Variants in TPP2 observed in about 807,000 individuals in gnomAD.
The protein encoded by TPP2 is tripeptidyl-peptidase 2.
In TPP2, 34 loss-of-function variants were observed where a neutral mutation model predicts 155.9. The observed-to-expected ratio is 0.22, with a 90% CI of 0.17 to 0.29. The LOEUF (loss-of-function observed/expected upper bound fraction) is 0.29. Among genes scored for constraint, TPP2 ranks in the 10% least tolerant of loss-of-function variants. The pLI is 1.00. For synonymous variants in TPP2, 510 were observed against 529.4 expected (o/e 0.96, Z 0.50); for missense variants, 1,028 against 1,522.3 (o/e 0.68, Z 5.40).
intron 13 of TPP2, 84 bp downstream of exon 13, chr13:102,636,476 G>T: frequency 6.8e-7 from 1 of 1,459,886 alleles, no homozygotes. Flanking sequence ...TGCTGTTTGG[G>T]CCAGTGTTGT....
chr13:102,626,535 A>G (rs987450237), intron 6 of TPP2, among the ~76,000 whole-genome samples: 4 of 152,224 alleles, frequency 2.6e-5, no homozygotes, highest in Admixed American at 6.5e-5. Context: ...TGGCTGGCTC[A>G]TAGGCTGTGG....
intron 2 of TPP2, among the ~76,000 whole-genome samples, chr13:102,608,650 G>A (rs1420923684): frequency 1.3e-5 from 2 of 151,944 alleles, no homozygotes; most frequent in Admixed American, 6.6e-5. Flanking sequence ...TTTGTATCAT[G>A]TATGCAACAT....
intron 23 of TPP2, among the ~76,000 whole-genome samples, chr13:102,650,662 T>C (rs1223867665): frequency 6.6e-6 from 1 of 152,200 alleles, no homozygotes; most frequent in East Asian, 1.9e-4. Context: ...AGATGACACT[T>C]TGAAGAGTCT....
chr13:102,635,832 C>A, intron 12 of TPP2, 130 bp downstream of exon 12: 1 of 716,748 alleles, frequency 1.4e-6, no homozygotes, highest in Admixed American at 2.9e-5. Context: ...GGCCATAGAA[C>A]TACAAGCAAA....
At chr13:102,605,421 C>G (rs1183576109) in intron 2 of TPP2, among the ~76,000 whole-genome samples, 5 of 152,220 alleles carry the variant, frequency 3.3e-5, no homozygotes, top group Admixed American at 2.0e-4. Flanking sequence ...GTTAATAAAT[C>G]TAGCACACAC....
At position 102,663,810 on chromosome 13, in the gene TPP2, A is replaced by G. The variant is rs1884413073; in HGVS notation, c.3240+66A>G. ...ATTATATAAGTTTGTGTTTTGAGGA[A>G]AAGTGCATTATCTTTCTCTTCTGTT... On this transcript the variant is annotated intron_variant, in intron 26 of 29. Coordinates refer to ENST00000376052, the MANE Select transcript of TPP2 (RefSeq NM_001330588.2). 3.3e-6 allele frequency: 4 copies of G among 1,198,318 alleles called. No homozygotes were observed. In the South Asian group the frequency reaches 6.4e-5, roughly 19 times the overall value. The allele number at this position is 1,198,318 out of a possible 1,614,324, so 74.2% of individuals were successfully genotyped here. A position where few individuals can be genotyped will look rare whatever the true frequency, so the allele number is the denominator to read the frequency against.
chr13:102,642,986 AT>A (rs936209493), intron 16 of TPP2, among the ~76,000 whole-genome samples: 6 of 152,158 alleles, frequency 3.9e-5, no homozygotes, highest in Non-Finnish European at 8.8e-5. Flanking sequence ...GTGGTGGTTC[AT>A]TTTAATACCA....
intron 5 of TPP2, among the ~76,000 whole-genome samples, chr13:102,621,421 A>G (rs1358266284): frequency 6.6e-6 from 1 of 152,142 alleles, no homozygotes; most frequent in Non-Finnish European, 1.5e-5. Flanking sequence ...AGATTTCCCA[A>G]AAGTATTAAT....
intron 16 of TPP2, among the ~76,000 whole-genome samples, chr13:102,641,952 C>T (rs925712570): frequency 1.3e-5 from 2 of 152,074 alleles, no homozygotes; most frequent in African/African-American, 4.8e-5. Context: ...AGCATCTAGT[C>T]CAAGATATTG....
chr13:102,597,616 GC>G (rs1566309820), intron 1 of TPP2, among the ~76,000 whole-genome samples: 1 of 152,352 alleles, frequency 6.6e-6, no homozygotes, highest in Admixed American at 6.5e-5. Flanking sequence ...TACCCCTCGT[GC>G]CTCGGACACC....
chr13:102,672,959 T>C (rs977776186), intron 27 of TPP2, among the ~76,000 whole-genome samples: 13 of 152,206 alleles, frequency 8.5e-5, no homozygotes, highest in Non-Finnish European at 1.9e-4. Flanking sequence ...TCATTTACAT[T>C]GCAAATGTAT....
At chr13:102,612,269 G>A (rs1401925436) in intron 2 of TPP2, among the ~76,000 whole-genome samples, 1 of 152,156 alleles carries the variant, frequency 6.6e-6, no homozygotes, top group African/African-American at 2.4e-5. Context: ...GGAAGCAAAA[G>A]CCTCTAAGAG....
rs772827226 is a variant in TPP2, at chr13:102,597,034, C to A, written c.-5C>A. 1.2e-5 allele frequency: 19 copies of A among 1,611,136 alleles called. No individual in the cohort carries two copies. The South Asian group carries it at 2.1e-4, about 18-fold the overall frequency. On this transcript the variant is annotated 5_prime_UTR_variant, in exon 1 of 30. Coordinates refer to ENST00000376052, the MANE Select transcript of TPP2 (RefSeq NM_001330588.2). ...TGCCGCTTCCTCGTCCTCCATCCTG[C>A]GTCCATGGCCACCGCTGCGACTGAG...
intron 2 of TPP2, 84 bp downstream of exon 2, chr13:102,605,005 G>T: frequency 6.4e-7 from 1 of 1,569,208 alleles, no homozygotes; most frequent in Non-Finnish European, 8.6e-7. Context: ...ACATTTGGTG[G>T]TGGTATTAGT....
At chr13:102,668,690 T>G (rs562457061) in intron 27 of TPP2, among the ~76,000 whole-genome samples, 1 of 152,226 alleles carries the variant, frequency 6.6e-6, no homozygotes, top group African/African-American at 2.4e-5. Flanking sequence ...TAAATGATGA[T>G]CCCAATAGCG....
At chr13:102,637,939 C>G (rs1456986173) in intron 14 of TPP2, among the ~76,000 whole-genome samples, 7 of 152,190 alleles carry the variant, frequency 4.6e-5, no homozygotes, top group Admixed American at 2.6e-4. Flanking sequence ...AACAGTATCT[C>G]CACATCTAAA....
At chr13:102,638,021 C>T (rs573352761) in intron 14 of TPP2, among the ~76,000 whole-genome samples, 4 of 152,282 alleles carry the variant, frequency 2.6e-5, no homozygotes, top group Admixed American at 1.3e-4. Flanking sequence ...TTGTACCTGA[C>T]GTCTCATTTT....
At chr13:102,677,241 G>GGT (rs1885327700) in intron 29 of TPP2, among the ~76,000 whole-genome samples, 1 of 152,160 alleles carries the variant, frequency 6.6e-6, no homozygotes, top group Non-Finnish European at 1.5e-5. Context: ...TCTGGAGCCA[G>GGT]GTGTTGATAT....
At chr13:102,607,939 A>G (rs540275998) in intron 2 of TPP2, 2 of 174,682 alleles carry the variant, frequency 1.1e-5, no homozygotes, top group Non-Finnish European at 2.5e-5. Flanking sequence ...GATAAACCAC[A>G]TGAACTAATA....
Sources: gnomAD v4.1 joint callset for allele counts (sites outside exome capture counted in the v4.1 genomes callset) on GRCh38, gnomAD v4.1.1 for gene constraint, MANE v1.5 for transcripts, NCBI Gene and HGNC (gene_info 2026-07-23, HGNC 2026-07-21) for gene names.